NIPAL3: variants seen among roughly 807,000 people sequenced by gnomAD.
NIPAL3 encodes NIPA-like protein 3.
NIPAL3 carries 41 observed loss-of-function variants against 47.2 expected under a neutral mutation model. That is an observed-to-expected ratio of 0.87 (90% confidence interval 0.68 to 1.13). The LOEUF is 1.13. Ranked by LOEUF, NIPAL3 falls within the 50% of genes most tolerant of loss-of-function variation. The pLI is 0.00. For missense variants in NIPAL3, 449 were observed against 530.1 expected (o/e 0.85, Z 1.50); for synonymous variants, 194 against 209.6 (o/e 0.93, Z 0.64).
chr1:24,459,739 T>A (rs1646384881), intron 9 of NIPAL3, among the ~76,000 whole-genome samples: 1 of 152,238 alleles, frequency 6.6e-6, no homozygotes, highest in Admixed American at 6.5e-5. Flanking sequence ...CATGAGGCAT[T>A]GACCCAGAGC....
At chr1:24,428,922 C>A (rs1644755695) in intron 2 of NIPAL3, among the ~76,000 whole-genome samples, 1 of 152,190 alleles carries the variant, frequency 6.6e-6, no homozygotes, top group Non-Finnish European at 1.5e-5. Flanking sequence ...CTCTGCCCTT[C>A]TGCAGCTCTG....
intron 5 of NIPAL3, among the ~76,000 whole-genome samples, chr1:24,445,795 A>G (rs1645628666): frequency 1.3e-5 from 2 of 152,176 alleles, no homozygotes; most frequent in South Asian, 2.1e-4. Flanking sequence ...ATTGCCTCAC[A>G]TAGTTTGGGC....
intron 11 of NIPAL3, chr1:24,466,200 A>G: frequency 4.7e-6 from 5 of 1,060,512 alleles, no homozygotes. Flanking sequence ...CCTGTGGAAC[A>G]GAAACAATTT....
chr1:24,449,444 G>T lies in NIPAL3; in HGVS notation c.395-37G>T. The T allele has an allele frequency of 6.2e-7, 1 of 1,609,532 alleles. No individual in the cohort carries two copies. Among genetic ancestry groups the T allele is most frequent in the Non-Finnish European group, 8.5e-7 (1 of 1,177,772 alleles). ...ACGTGTACTGTATCTTGGGCCTGTT[G>T]TTGCAATGAGTCCGTGACAGCCTCT... is the stretch of plus-strand genomic sequence containing the variant. On this transcript the variant is annotated intron_variant, in intron 5 of 11. Coordinates refer to ENST00000374399, the MANE Select transcript of NIPAL3 (RefSeq NM_020448.5). This position sits in a 1 kb window ranked among gnomAD's most constrained non-coding sequence, Gnocchi z 4.5.
In NIPAL3 at chr1:24,458,993, G is replaced by C; in HGVS notation, c.862+17G>C. The C allele has an allele frequency of 6.2e-7, 1 of 1,609,518 alleles. No individual in the cohort carries two copies. The highest frequency in any genetic ancestry group is 1.1e-5 in the South Asian group (1 of 90,974). On this transcript the variant is annotated intron_variant, in intron 9 of 11. Coordinates refer to ENST00000374399, the MANE Select transcript of NIPAL3 (RefSeq NM_020448.5). ...TCACAGCAGGTAAGGGTGACCCATT[G>C]CTAGATTTCTGTCTTCTACTTTAGC...
chr1:24,461,324 C>G (rs537938757), intron 10 of NIPAL3, among the ~76,000 whole-genome samples: 1 of 152,132 alleles, frequency 6.6e-6, no homozygotes, highest in Admixed American at 6.5e-5. Flanking sequence ...GGTGGATTAC[C>G]TGAGGTCGGG....
At position 24,451,910 on chromosome 1, in the gene NIPAL3, A is replaced by G. The variant is rs1023689016; in HGVS notation, c.541-1498A>G. On this transcript the variant is annotated intron_variant, in intron 6 of 11. Coordinates refer to ENST00000374399, the MANE Select transcript of NIPAL3 (RefSeq NM_020448.5). This position sits in a 1 kb window ranked among gnomAD's most constrained non-coding sequence, Gnocchi z 4.5. ...AAAACAGCCCAGTACAAAATCGTGCATTGACTATAATGACAACTCGTTAAA... is the reference window on the plus strand; with the variant it reads ...AAAACAGCCCAGTACAAAATCGTGCGTTGACTATAATGACAACTCGTTAAA... 6.6e-6 allele frequency among the ~76,000 whole-genome samples: 1 copy of G among 152,230 alleles called. No homozygotes were observed. Among genetic ancestry groups the G allele is most frequent in the Non-Finnish European group, 1.5e-5 (1 of 68,036 alleles).
intron 2 of NIPAL3, among the ~76,000 whole-genome samples, chr1:24,428,119 A>G (rs1644685653): frequency 1.3e-5 from 2 of 152,166 alleles, no homozygotes; most frequent in African/African-American, 4.8e-5. Context: ...ATGCACCTGT[A>G]GTCCCAGCTA....
intron 8 of NIPAL3, chr1:24,457,865 C>T (rs1216343480): frequency 1.3e-5 from 7 of 526,072 alleles, no homozygotes; most frequent in Non-Finnish European, 2.7e-5. Context: ...GATTATTGGC[C>T]TTGCTATTGT....
chr1:24,432,662 C>G (rs1644929019), intron 2 of NIPAL3, among the ~76,000 whole-genome samples: 2 of 152,218 alleles, frequency 1.3e-5, no homozygotes, highest in African/African-American at 2.4e-5. Context: ...ATCTCTTATC[C>G]TCTGTGCCTC....
rs1009675154 is a variant in NIPAL3 at position 24,453,542 on chromosome 1, C to T, written c.637+38C>T. The T allele has an allele frequency of 3.4e-6, 5 of 1,475,510 alleles. No homozygotes were observed. In the Admixed American group the frequency reaches 9.0e-5, roughly 26 times the overall value. 91.4% of individuals were successfully genotyped at this position (1,475,510 alleles called of 1,614,324 possible). A position where few individuals can be genotyped will look rare whatever the true frequency, so the allele number is the denominator to read the frequency against. On this transcript the variant is annotated intron_variant, in intron 7 of 11. Transcript: ENST00000374399. The stretch of plus-strand genomic sequence containing the variant: ...CTGGATGATTGAGTTTTGCCACCAC[C>T]AAGAAGCACCAAATGGAAATGTGGG...
At chr1:24,436,986 T>G (rs1645144516) in intron 2 of NIPAL3, among the ~76,000 whole-genome samples, 1 of 148,894 alleles carries the variant, frequency 6.7e-6, no homozygotes. Flanking sequence ...GCGTGGTGGC[T>G]CACGCCTGTA....
Position 24,416,399 on chromosome 1 carries a change from C to A in NIPAL3, c.-258+495C>A. On this transcript the variant is annotated intron_variant, in intron 1 of 11. Transcript: ENST00000374399. The surrounding 1 kb of genome is among the most constrained non-coding windows in gnomAD (Gnocchi z 4.8). ...TTGGCAGGGAACTGGCGCTCACCTC[C>A]AGAAGCCAGATCGTCGGGTGGTGGG... 1 of 913,764 alleles carries A rather than the reference C, an allele frequency of 1.1e-6. No individual in the cohort carries two copies. 56.6% of individuals were successfully genotyped at this position (913,764 alleles called of 1,614,324 possible).
In NIPAL3 at chr1:24,431,427, C is replaced by T. The variant is rs145184800; in HGVS notation, c.94-8745C>T. On this transcript the variant is annotated intron_variant, in intron 2 of 11. Transcript: ENST00000374399. ...GGACATGAAGATAGGTGATCAAGTCCCCTAAGACTGTCAGTATCACCTTGT... is the reference window on the plus strand; with the variant it reads ...GGACATGAAGATAGGTGATCAAGTCTCCTAAGACTGTCAGTATCACCTTGT... Among the ~76,000 whole-genome samples, 103 of 152,240 alleles carry T rather than the reference C, an allele frequency of 6.8e-4. 1 individual carries two copies. The Middle Eastern group carries it at 0.01, about 15-fold the overall frequency.
chr1:24,429,749 G>T lies in NIPAL3; in HGVS notation c.93+10109G>T, dbSNP rs181148651. The stretch of plus-strand genomic sequence containing the variant: ...TTAGAGGTTAGTTGATGCTTTGATT[G>T]GTTGTGCTTAAGTATCATTTTACTG... On this transcript the variant is annotated intron_variant, in intron 2 of 11. Coordinates refer to ENST00000374399, the MANE Select transcript of NIPAL3 (RefSeq NM_020448.5). 7.9e-5 allele frequency among the ~76,000 whole-genome samples: 12 copies of T among 152,270 alleles called. No homozygotes were observed. In the East Asian group the frequency reaches 1.4e-3, roughly 17 times the overall value.
intron 2 of NIPAL3, among the ~76,000 whole-genome samples, chr1:24,438,943 G>A (rs1041137915): frequency 2.0e-5 from 3 of 151,922 alleles, no homozygotes; most frequent in Non-Finnish European, 4.4e-5. Context: ...TGTCCCAAGG[G>A]ACTAATCCAT....
At chr1:24,462,896 G>C (rs755272898) in intron 10 of NIPAL3, among the ~76,000 whole-genome samples, 2 of 152,166 alleles carry the variant, frequency 1.3e-5, no homozygotes, top group Non-Finnish European at 2.9e-5. Context: ...TCAGGAGTTC[G>C]AGACCAGCCT....
At position 24,464,112 on chromosome 1, in the gene NIPAL3, C is replaced by T; in HGVS notation, c.1013C>T (p.Ala338Val). The part of the protein sequence containing the change: ...IPFEPYISMD[A>V]MPGMQNMHDK... ...TTTGAGCCCTATATTTCCATGGATG[C>T]CATGCCAGGTAAGGTTAAAGCCCCG... Residue 338 changes from alanine to valine, a missense_variant, in exon 11 of 12, where the codon GCC becomes GTC. Ala to Val is a moderately conservative substitution (Grantham distance 64). Coordinates refer to ENST00000374399, the MANE Select transcript of NIPAL3 (RefSeq NM_020448.5). 1 of 1,612,588 alleles carries T rather than the reference C, an allele frequency of 6.2e-7. No individual in the cohort carries two copies. Among genetic ancestry groups the T allele is most frequent in the Non-Finnish European group, 8.5e-7 (1 of 1,178,950 alleles).
chr1:24,448,239 C>T (rs888723397), intron 5 of NIPAL3, among the ~76,000 whole-genome samples: 2 of 152,182 alleles, frequency 1.3e-5, no homozygotes, highest in African/African-American at 4.8e-5. Flanking sequence ...GGCCTGTGGT[C>T]ACCATAAGTG....
Sources: gnomAD v4.1 joint callset for allele counts (sites outside exome capture counted in the v4.1 genomes callset) on GRCh38, gnomAD v4.1.1 for gene constraint, Gnocchi (gnomAD v3.1) non-coding constraint, MANE v1.5 for transcripts, NCBI Gene and HGNC (gene_info 2026-07-23, HGNC 2026-07-21) for gene names.